The following ADK variants were observed in gnomAD, a reference collection of about 807,000 sequenced individuals.
The protein encoded by ADK is N6,N6-dimethyladenosine kinase.
In ADK, 24 loss-of-function variants were observed where a neutral mutation model predicts 44.7. That is an observed-to-expected ratio of 0.54 (90% CI 0.39 to 0.76). The LOEUF (loss-of-function observed/expected upper bound fraction) is 0.76, where lower values mean the gene tolerates loss of function less well. Among genes scored for constraint, ADK ranks in the 30% least tolerant of loss-of-function variants. The probability of loss-of-function intolerance (pLI) is 0.00; values close to 1 mark genes in which losing one functional copy is unlikely to be tolerated. For synonymous variants in ADK, 128 were observed against 142.6 expected (o/e 0.90, Z 0.73); for missense variants, 321 against 425.1 (o/e 0.76, Z 2.15).
intron 9 of ADK, among the ~76,000 whole-genome samples, chr10:74,633,784 G>A (rs547441471): frequency 2.0e-5 from 3 of 152,326 alleles, no homozygotes; most frequent in South Asian, 4.1e-4. Context: ...ATGGCCTTGA[G>A]TACATTTCCT....
chr10:74,382,115 C>T (rs1003769995), intron 4 of ADK, among the ~76,000 whole-genome samples: 4 of 151,790 alleles, frequency 2.6e-5, no homozygotes, highest in Admixed American at 2.0e-4. Context: ...TTTCTTTTCT[C>T]GAGACATGGT....
intron 4 of ADK, among the ~76,000 whole-genome samples, chr10:74,350,295 A>G (rs527644208): frequency 2.9e-4 from 44 of 152,360 alleles, no homozygotes; most frequent in South Asian, 1.2e-3. Context: ...TGGAAATTCA[A>G]CAACCTGCTC....
intron 3 of ADK, among the ~76,000 whole-genome samples, chr10:74,258,372 A>G (rs879387768): frequency 2.0e-5 from 3 of 152,108 alleles, no homozygotes; most frequent in Non-Finnish European, 2.9e-5. Context: ...GTATTAGCCT[A>G]TAGCCTTTTT....
rs577233318 is a variant in ADK at position 74,536,377 on chromosome 10, G to T, written c.726+10951G>T. Among the ~76,000 whole-genome samples the T allele has an allele frequency of 1.2e-3, 184 of 151,574 alleles. 1 individual carries two copies. The highest frequency in any genetic ancestry group is 4.2e-3 in the African/African-American group (172 of 41,368). On this transcript the variant is annotated intron_variant, in intron 7 of 10. Coordinates refer to ENST00000539909, the MANE Select transcript of ADK (RefSeq NM_006721.4). Reference sequence around the variant, plus strand: ...AAATATTTGGTTAGACACGTGCTGGGACAAAAAGTGAAGTATCCACAGTAA... The same window carrying T: ...AAATATTTGGTTAGACACGTGCTGGTACAAAAAGTGAAGTATCCACAGTAA...
At chr10:74,398,368 A>G (rs1195614308) in intron 5 of ADK, 103 bp from the exon 6 acceptor site, 4 of 602,592 alleles carry the variant, frequency 6.6e-6, no homozygotes, top group African/African-American at 3.8e-5. Context: ...AGAATTAATT[A>G]AAATGTAAAT....
intron 3 of ADK, among the ~76,000 whole-genome samples, chr10:74,306,145 A>G (rs998400663): frequency 2.6e-5 from 4 of 152,086 alleles, no homozygotes; most frequent in Non-Finnish European, 5.9e-5. Context: ...CATTTTTTAA[A>G]AAAATCCTTT....
At chr10:74,636,712 A>G (rs1734683199) in intron 9 of ADK, among the ~76,000 whole-genome samples, 1 of 152,254 alleles carries the variant, frequency 6.6e-6, no homozygotes, top group Non-Finnish European at 1.5e-5. Context: ...ATGAATATTT[A>G]AGGTGTTAAG....
intron 3 of ADK, among the ~76,000 whole-genome samples, chr10:74,274,732 G>GTGTATATATATATAGATATATATATA (rs1554836801): frequency 1.2e-5 from 1 of 84,170 alleles, no homozygotes; most frequent in Non-Finnish European, 2.6e-5. Flanking sequence ...TTTAATGTGT[G>GTGTATATATATATAGATATATATATA]TATATATATA....
At chr10:74,258,361 A>G (rs1159962625) in intron 3 of ADK, among the ~76,000 whole-genome samples, 2 of 152,162 alleles carry the variant, frequency 1.3e-5, no homozygotes, top group African/African-American at 4.8e-5. Context: ...CAAAGTACTC[A>G]GTATTAGCCT....
intron 1 of ADK, among the ~76,000 whole-genome samples, chr10:74,162,071 A>T (rs1327513462): frequency 6.6e-6 from 1 of 151,918 alleles, no homozygotes. Flanking sequence ...ACCAGGCTGG[A>T]GTGTAGTGGC....
intron 6 of ADK, among the ~76,000 whole-genome samples, chr10:74,518,842 T>A (rs1461728635): frequency 6.6e-6 from 1 of 152,100 alleles, no homozygotes; most frequent in Non-Finnish European, 1.5e-5. Flanking sequence ...TACTATTGAT[T>A]TAATGTAGGT....
intron 3 of ADK, among the ~76,000 whole-genome samples, chr10:74,260,100 C>T (rs1162806576): frequency 6.6e-6 from 1 of 151,870 alleles, no homozygotes; most frequent in African/African-American, 2.4e-5. Context: ...GGTTAACAAT[C>T]AAATAGAACA....
chr10:74,461,267 C>T (rs1298636387), intron 6 of ADK, among the ~76,000 whole-genome samples: 1 of 152,062 alleles, frequency 6.6e-6, no homozygotes, highest in African/African-American at 2.4e-5. Flanking sequence ...TTGCTTTACT[C>T]AGCTAACATC....
chr10:74,290,053 A>C (rs1591993273), intron 3 of ADK, among the ~76,000 whole-genome samples: 1 of 149,500 alleles, frequency 6.7e-6, no homozygotes, highest in African/African-American at 2.5e-5. Context: ...GAATTTAGGG[A>C]CTCAAGTCAC....
At chr10:74,247,587 A>T (rs886894586) in intron 3 of ADK, among the ~76,000 whole-genome samples, 1 of 152,120 alleles carries the variant, frequency 6.6e-6, no homozygotes, top group Admixed American at 6.6e-5. Context: ...ACCAACCATC[A>T]GCTCCTTTAA....
intron 7 of ADK, among the ~76,000 whole-genome samples, chr10:74,570,931 A>G (rs908610634): frequency 6.6e-6 from 1 of 152,196 alleles, no homozygotes; most frequent in African/African-American, 2.4e-5. Flanking sequence ...GGTTTGTCAT[A>G]GATAGCTGTT....
chr10:74,672,012 G>A (rs957767668), intron 10 of ADK, among the ~76,000 whole-genome samples: 10 of 152,308 alleles, frequency 6.6e-5, no homozygotes, highest in African/African-American at 2.4e-4. Context: ...GGATACTGAG[G>A]TAGGAACAGC....
At chr10:74,206,053 T>G (rs1222423209) in intron 2 of ADK, among the ~76,000 whole-genome samples, 1 of 152,236 alleles carries the variant, frequency 6.6e-6, no homozygotes, top group East Asian at 1.9e-4. Context: ...AGATCTCTTT[T>G]GTTTGTGTAG....
At chr10:74,288,822 G>C (rs1847292672) in intron 3 of ADK, among the ~76,000 whole-genome samples, 1 of 152,190 alleles carries the variant, frequency 6.6e-6, no homozygotes, top group Non-Finnish European at 1.5e-5. Context: ...GTTTATTACA[G>C]TAGAAAATAG....
Sources: gnomAD v4.1 joint callset for allele counts (sites outside exome capture counted in the v4.1 genomes callset) on GRCh38, gnomAD v4.1.1 for gene constraint, MANE v1.5 for transcripts, NCBI Gene and HGNC (gene_info 2026-07-23, HGNC 2026-07-21) for gene names.